Variants in VOPP1 observed in about 807,000 individuals in gnomAD.
VOPP1 encodes the protein VOPP1 WW domain binding protein.
Under a neutral mutation model 23.5 loss-of-function variants are expected in VOPP1, and 8 were observed. The ratio of observed to expected loss-of-function variants is 0.34; its 90% CI spans 0.20 to 0.61. The LOEUF is 0.61. VOPP1 is among the 20% of genes least tolerant of loss of function. The probability of loss-of-function intolerance (pLI) is 0.78; values close to 1 mark genes in which losing one functional copy is unlikely to be tolerated. For missense variants in VOPP1, 174 were observed against 238.1 expected (o/e 0.73, Z 1.77); for synonymous variants, 83 against 97.3 (o/e 0.85, Z 0.86).
chr7:55,503,640 C>T (rs1279412037), intron 2 of VOPP1, among the ~76,000 whole-genome samples: 1 of 152,168 alleles, frequency 6.6e-6, no homozygotes, highest in Non-Finnish European at 1.5e-5. Context: ...AAAGGTGGGG[C>T]TTTTGGAAGG....
chr7:55,571,266 T>C lies in VOPP1; in HGVS notation c.54+1005A>G, dbSNP rs146396530. ...CCAGCCTTCCTTTCAGGAAACACTT[T>C]TCCTCCAACATTTTGTAATAATTAC... On this transcript the variant is annotated intron_variant, in intron 1 of 4. Coordinates refer to ENST00000285279, the MANE Select transcript of VOPP1 (RefSeq NM_030796.5). Among the ~76,000 whole-genome samples, 29 of 152,304 alleles carry C rather than the reference T, an allele frequency of 1.9e-4. No individual in the cohort carries two copies. The East Asian group carries it at 5.4e-3, about 28-fold the overall frequency.
At chr7:55,449,376 C>T (rs976757981) in intron 4 of VOPP1, among the ~76,000 whole-genome samples, 2 of 152,200 alleles carry the variant, frequency 1.3e-5, no homozygotes, top group Non-Finnish European at 2.9e-5. Context: ...CCGAACCCCT[C>T]TCCAGGGACG....
At chr7:55,552,701 C>T (rs1797660217) in intron 1 of VOPP1, 1 of 1,535,816 alleles carries the variant, frequency 6.5e-7, no homozygotes, top group African/African-American at 1.4e-5. Flanking sequence ...TCCTGGAGCC[C>T]CAGCCCCTCC....
chr7:55,447,156 C>CA (rs1186320578), intron 4 of VOPP1, among the ~76,000 whole-genome samples: 1 of 152,168 alleles, frequency 6.6e-6, no homozygotes, highest in Non-Finnish European at 1.5e-5. Flanking sequence ...GGAGACTGGA[C>CA]AACTGAAAAT....
At chr7:55,562,016 T>C (rs1466698514) in intron 1 of VOPP1, 1 of 703,588 alleles carries the variant, frequency 1.4e-6, no homozygotes, top group African/African-American at 1.7e-5. Context: ...GATGAAGACT[T>C]CTGATCCTCA....
At chr7:55,451,493 A>T (rs113711713) in intron 4 of VOPP1, among the ~76,000 whole-genome samples, 1,831 of 152,362 alleles carry the variant, frequency 0.012, 13 homozygotes, top group Admixed American at 0.021. Flanking sequence ...TAGCTTCATT[A>T]AAAAATACTT....
At chr7:55,476,149 G>A (rs1337025120) in intron 4 of VOPP1, among the ~76,000 whole-genome samples, 2 of 152,222 alleles carry the variant, frequency 1.3e-5, no homozygotes, top group African/African-American at 4.8e-5. Context: ...TCCCAGCCGG[G>A]CTGCACTCAC....
chr7:55,462,125 C>CA (rs1172203332), intron 4 of VOPP1, among the ~76,000 whole-genome samples: 1 of 152,172 alleles, frequency 6.6e-6, no homozygotes, highest in African/African-American at 2.4e-5. Flanking sequence ...TCTTGCGTGA[C>CA]AGTTTTCTTT....
At chr7:55,478,479 TA>T (rs1174668168) in intron 4 of VOPP1, among the ~76,000 whole-genome samples, 2 of 152,008 alleles carry the variant, frequency 1.3e-5, no homozygotes, top group African/African-American at 4.8e-5. Context: ...GCACAGAGAA[TA>T]AAGAAGATTA....
intron 1 of VOPP1, among the ~76,000 whole-genome samples, chr7:55,524,142 T>A (rs990804825): frequency 1.3e-5 from 2 of 152,200 alleles, no homozygotes; most frequent in African/African-American, 4.8e-5. Flanking sequence ...ATTTCCATCC[T>A]ACTCTTCTTC....
chr7:55,531,887 C>T (rs777572247), intron 1 of VOPP1, among the ~76,000 whole-genome samples: 2 of 152,182 alleles, frequency 1.3e-5, no homozygotes, highest in Non-Finnish European at 2.9e-5. Context: ...AAATCTTGGC[C>T]AGCAGATCCA....
chr7:55,451,531 C>T (rs1791243674), intron 4 of VOPP1, among the ~76,000 whole-genome samples: 1 of 152,224 alleles, frequency 6.6e-6, no homozygotes, highest in Non-Finnish European at 1.5e-5. Flanking sequence ...GTGGCTCACG[C>T]CTGTAATCCC....
intron 2 of VOPP1, among the ~76,000 whole-genome samples, chr7:55,513,663 T>C (rs1246794165): frequency 6.6e-6 from 1 of 152,176 alleles, no homozygotes; most frequent in Non-Finnish European, 1.5e-5. Context: ...CATCTCCTGG[T>C]GTCAGCTGCC....
intron 2 of VOPP1, among the ~76,000 whole-genome samples, chr7:55,508,736 T>A (rs1342003810): frequency 6.6e-6 from 1 of 151,784 alleles, no homozygotes; most frequent in Admixed American, 6.5e-5. Flanking sequence ...ATTCTGGCCA[T>A]ATGTCTCTTT....
chr7:55,491,157 T>C (rs895444003), intron 4 of VOPP1, among the ~76,000 whole-genome samples: 14 of 152,374 alleles, frequency 9.2e-5, no homozygotes, highest in Non-Finnish European at 1.5e-4. Context: ...AGCCATGCTC[T>C]ATTCCATAAA....
At chr7:55,542,066 G>A (rs4947512) in intron 1 of VOPP1, among the ~76,000 whole-genome samples, 91,549 of 152,066 alleles carry the variant, frequency 0.6, 29,077 homozygotes, top group Admixed American at 0.69. Flanking sequence ...GCATGTGAAC[G>A]ACATCTCAAC....
chr7:55,439,653 C>T (rs986253443), intron 4 of VOPP1, among the ~76,000 whole-genome samples: 34 of 152,280 alleles, frequency 2.2e-4, no homozygotes, highest in African/African-American at 7.5e-4. Context: ...ACTAGGGATC[C>T]GACAGGAGCG....
chr7:55,459,658 T>TAGTTGTTCATAGTAA (rs1478131854), intron 4 of VOPP1, among the ~76,000 whole-genome samples: 2 of 152,094 alleles, frequency 1.3e-5, no homozygotes, highest in Admixed American at 1.3e-4. Flanking sequence ...TTGTTGGCTA[T>TAGTTGTTCATAGTAA]AGTTGTTCAT....
chr7:55,564,825 T>C (rs933371268), intron 1 of VOPP1, among the ~76,000 whole-genome samples: 10 of 152,178 alleles, frequency 6.6e-5, no homozygotes, highest in African/African-American at 2.4e-4. Context: ...GAGGGATTTC[T>C]CTTTACAGGT....
Sources: gnomAD v4.1 joint callset for allele counts (sites outside exome capture counted in the v4.1 genomes callset) on GRCh38, gnomAD v4.1.1 for gene constraint, MANE v1.5 for transcripts, NCBI Gene and HGNC (gene_info 2026-07-23, HGNC 2026-07-21) for gene names.